The following NCOA2 variants were observed in gnomAD, a reference collection of about 807,000 sequenced individuals.
NCOA2 encodes class E basic helix-loop-helix protein 75.
A neutral mutation model predicts 145.1 loss-of-function variants in NCOA2; 21 were observed. The ratio of observed to expected loss-of-function variants is 0.14; its 90% confidence interval spans 0.10 to 0.21. The LOEUF is 0.21. NCOA2 is among the 10% of genes least tolerant of loss of function. The pLI, the probability that NCOA2 is intolerant of heterozygous loss-of-function variation, is 1.00. For missense variants in NCOA2, 1,472 were observed against 1,837.6 expected, an observed-to-expected ratio of 0.80 and a Z score of 3.64; for synonymous variants, 619 against 637.5, an observed-to-expected ratio of 0.97 and a Z score of 0.44.
chr8:70,356,268 G>T (rs777461698), intron 1 of NCOA2, among the ~76,000 whole-genome samples: 2 of 152,100 alleles, frequency 1.3e-5, no homozygotes, highest in Non-Finnish European at 2.9e-5. Context: ...ACCAGCCTGG[G>T]CAACATAGTA....
At chr8:70,179,242 T>G (rs1422382057) in intron 4 of NCOA2, among the ~76,000 whole-genome samples, 3 of 152,118 alleles carry the variant, frequency 2.0e-5, no homozygotes, top group Non-Finnish European at 4.4e-5. Context: ...TTCTCAATAT[T>G]AAAAAGAAAA....
intron 4 of NCOA2, among the ~76,000 whole-genome samples, chr8:70,203,081 G>A (rs560052821): frequency 1.2e-3 from 177 of 152,078 alleles, no homozygotes; most frequent in Non-Finnish European, 2.1e-3. Context: ...TGGCCAACAC[G>A]GTGAAACCCC....
chr8:70,352,633 A>G (rs1296717958), intron 1 of NCOA2, among the ~76,000 whole-genome samples: 2 of 152,236 alleles, frequency 1.3e-5, no homozygotes. Flanking sequence ...TGCTCATAGT[A>G]AACACCATGT....
chr8:70,343,659 CA>C (rs1808342392), intron 1 of NCOA2, among the ~76,000 whole-genome samples: 1 of 151,664 alleles, frequency 6.6e-6, no homozygotes, highest in South Asian at 2.1e-4. Context: ...ACTAAAAATA[CA>C]AAAATTAGCC....
intron 2 of NCOA2, among the ~76,000 whole-genome samples, chr8:70,229,371 G>A (rs1466044520): frequency 1.3e-5 from 2 of 152,166 alleles, no homozygotes; most frequent in Non-Finnish European, 2.9e-5. Flanking sequence ...AAGTGCTAAC[G>A]AAGGAAAAAT....
At chr8:70,432,862 G>C in the NCOA2 span, among the ~76,000 whole-genome samples, 1 of 151,876 alleles carries the variant, frequency 6.6e-6, no homozygotes, top group Admixed American at 6.6e-5. Flanking sequence ...TTTGGTTAAA[G>C]CCCCAATATT....
chr8:70,140,325 A>G (rs993057497), intron 14 of NCOA2, among the ~76,000 whole-genome samples: 20 of 152,128 alleles, frequency 1.3e-4, no homozygotes, highest in African/African-American at 4.6e-4. Context: ...TTCTGTCCCT[A>G]CAGATTTGCT....
chr8:70,395,497 G>A (rs921173132), intron 1 of NCOA2, among the ~76,000 whole-genome samples: 3 of 152,264 alleles, frequency 2.0e-5, no homozygotes, highest in African/African-American at 2.4e-5. Flanking sequence ...ATATACTCCC[G>A]ACATTCAATT....
chr8:70,209,818 A>G (rs962872081), intron 4 of NCOA2, among the ~76,000 whole-genome samples: 35 of 152,216 alleles, frequency 2.3e-4, no homozygotes, highest in African/African-American at 8.4e-4. Flanking sequence ...CAAAAAATTC[A>G]TGTCACTTGC....
chr8:70,157,578 G>C (rs1043116163), intron 10 of NCOA2, among the ~76,000 whole-genome samples: 1 of 152,178 alleles, frequency 6.6e-6, no homozygotes, highest in Non-Finnish European at 1.5e-5. Flanking sequence ...GAGTAGTTGA[G>C]AGCTTGTACT....
At chr8:70,178,662 T>C (rs781338722) in intron 4 of NCOA2, among the ~76,000 whole-genome samples, 4 of 151,970 alleles carry the variant, frequency 2.6e-5, no homozygotes, top group Non-Finnish European at 5.9e-5. Context: ...CCCAACCAAA[T>C]GAGCACAACA....
At chr8:70,427,622 A>G in the NCOA2 span, among the ~76,000 whole-genome samples, 5 of 152,200 alleles carry the variant, frequency 3.3e-5, no homozygotes, top group Admixed American at 3.3e-4. Context: ...AATGTTATAA[A>G]AAGTTGAGTA....
At position 70,249,939 on chromosome 8, in the gene NCOA2, G is replaced by A. The variant is rs146993242; in HGVS notation, c.-19-33175C>T. 7.1e-3 allele frequency among the ~76,000 whole-genome samples: 832 copies of A among 117,962 alleles called. 8 individuals carry two copies. Among genetic ancestry groups the A allele is most frequent in the African/African-American group, 0.025 (788 of 30,926 alleles). The allele number at this position is 117,962 out of a possible 152,430, so 77.4% of individuals were successfully genotyped here. A position where few individuals can be genotyped will look rare whatever the true frequency, so the allele number is the denominator to read the frequency against. ...GATCAGAACATTGCACTCCAGCCTA[G>A]GCAACAGAGAGAGAATCTGCCTCCA... is the stretch of plus-strand genomic sequence containing the variant. On this transcript the variant is annotated intron_variant, in intron 2 of 22. Transcript: ENST00000452400.
At chr8:70,394,394 A>T (rs1194600714) in intron 1 of NCOA2, among the ~76,000 whole-genome samples, 2 of 152,224 alleles carry the variant, frequency 1.3e-5, no homozygotes, top group African/African-American at 2.4e-5. Flanking sequence ...ACCTCAGGTG[A>T]TCCGCCCACC....
chr8:70,374,807 A>G (rs891985565), intron 1 of NCOA2, among the ~76,000 whole-genome samples: 4 of 151,960 alleles, frequency 2.6e-5, no homozygotes, highest in Admixed American at 1.3e-4. Flanking sequence ...AAAAAAAAAA[A>G]AAAAGAAAGA....
At chr8:70,188,939 C>A (rs1816369207) in intron 4 of NCOA2, among the ~76,000 whole-genome samples, 2 of 151,636 alleles carry the variant, frequency 1.3e-5, no homozygotes, top group Non-Finnish European at 2.9e-5. Flanking sequence ...CTTCAGTTAT[C>A]AATGATAAAA....
Position 70,300,089 on chromosome 8 carries a change from T to C in NCOA2, c.-76-3289A>G, listed in dbSNP as rs935192271. ...GAAATTTCTAGAAAAAGTAAAACTA[T>C]AAAGACAGAAAACAGGCTGATGGTT... On this transcript the variant is annotated intron_variant, in intron 1 of 22. Coordinates refer to ENST00000452400, the MANE Select transcript of NCOA2 (RefSeq NM_006540.4). Among the ~76,000 whole-genome samples the C allele has an allele frequency of 8.5e-5, 13 of 152,240 alleles. No individual in the cohort carries two copies. In the South Asian group the frequency reaches 2.1e-3, roughly 24 times the overall value.
chr8:70,153,608 C>T (rs890740001), intron 11 of NCOA2, among the ~76,000 whole-genome samples: 1 of 152,144 alleles, frequency 6.6e-6, no homozygotes, highest in African/African-American at 2.4e-5. Context: ...GACCATCTTG[C>T]CCTCCAGCAT....
chr8:70,131,686 G>A (rs1157091368), intron 16 of NCOA2, 151 bp downstream of exon 16: 2 of 777,452 alleles, frequency 2.6e-6, no homozygotes, highest in Admixed American at 3.0e-5. Context: ...AAGGAAAGGG[G>A]AGGAAGAAAC....
Sources: allele counts gnomAD v4.1 joint callset (sites outside exome capture counted in the v4.1 genomes callset), GRCh38; gene constraint gnomAD v4.1.1; transcripts MANE v1.5; gene names NCBI Gene and HGNC (gene_info 2026-07-23, HGNC 2026-07-21).